Variants in FOXN3 observed in about 807,000 individuals in gnomAD.
FOXN3 encodes the protein forkhead box protein N3.
Under a neutral mutation model 38.4 loss-of-function variants are expected in FOXN3, and 7 were observed. That is an observed-to-expected ratio of 0.18 (90% CI 0.10 to 0.34). The LOEUF (loss-of-function observed/expected upper bound fraction) is 0.34. FOXN3 is among the 10% of genes least tolerant of loss of function. The pLI is 1.00. For synonymous variants in FOXN3, 230 were observed against 242.2 expected, an observed-to-expected ratio of 0.95 and a Z score of 0.47; for missense variants, 456 against 613.4, an observed-to-expected ratio of 0.74 and a Z score of 2.71.
intron 1 of FOXN3, among the ~76,000 whole-genome samples, chr14:89,423,683 T>C (rs1891965671): frequency 6.6e-6 from 1 of 152,070 alleles, no homozygotes; most frequent in African/African-American, 2.4e-5. Flanking sequence ...ATCAAAGAAA[T>C]GCAAATTAAA....
intron 1 of FOXN3, among the ~76,000 whole-genome samples, chr14:89,431,451 T>C (rs1374142346): frequency 6.6e-6 from 1 of 152,060 alleles, no homozygotes; most frequent in East Asian, 1.9e-4. Flanking sequence ...CCTCAGGTGA[T>C]CCACCCGCCT....
rs1194276909 is a variant in FOXN3 at position 89,480,271 on chromosome 14, C to T, written c.-14-67781G>A. 4.6e-5 allele frequency among the ~76,000 whole-genome samples: 7 copies of T among 152,094 alleles called. No individual in the cohort carries two copies. In the East Asian group the frequency reaches 1.2e-3, roughly 25 times the overall value. Reference sequence around the variant, plus strand: ...CAAAAAAATTAGCCAGGCGTGGTGGCGGGCGCCTGTAGTCCCAGCTACTCG... The same window carrying T: ...CAAAAAAATTAGCCAGGCGTGGTGGTGGGCGCCTGTAGTCCCAGCTACTCG... On this transcript the variant is annotated intron_variant, in intron 1 of 6. Transcript: ENST00000345097.
chr14:89,170,183 A>G (rs1887351487), intron 5 of FOXN3, among the ~76,000 whole-genome samples: 1 of 152,200 alleles, frequency 6.6e-6, no homozygotes, highest in African/African-American at 2.4e-5. Context: ...CTAAACATTC[A>G]CAGTTTCATT....
At chr14:89,418,589 T>A (rs966297560), upstream of FOXN3, among the ~76,000 whole-genome samples, 2 of 151,902 alleles carry the variant, frequency 1.3e-5, no homozygotes, top group African/African-American at 4.8e-5. Context: ...TAGCCTGAGG[T>A]CATCCAGCCC....
chr14:89,448,944 C>CA lies in FOXN3; in HGVS notation c.-14-36455dup, dbSNP rs56206718. On this transcript the variant is annotated intron_variant, in intron 1 of 6. Transcript: ENST00000345097. ...GGGCAACAGAGCAAGAACACTGTCT[C>CA]AAAAAAAAAAAAGAAAGAAAAGAAA... 1.3e-3 allele frequency among the ~76,000 whole-genome samples: 185 copies of CA among 146,326 alleles called. 1 individual carries two copies. The highest frequency in any genetic ancestry group is 5.7e-3 in the Admixed American group (84 of 14,764).
At chr14:89,333,718 A>G (rs1267068456) in intron 3 of FOXN3, among the ~76,000 whole-genome samples, 1 of 125,582 alleles carries the variant, frequency 8.0e-6, no homozygotes, top group African/African-American at 2.9e-5. Context: ...CGCCAACTGC[A>G]CTCCAGCCTG....
intron 4 of FOXN3, among the ~76,000 whole-genome samples, chr14:89,206,366 T>C (rs1389173264): frequency 6.6e-6 from 1 of 152,168 alleles, no homozygotes; most frequent in East Asian, 1.9e-4. Context: ...CAGACAAAAC[T>C]GTAAATGCTA....
intron 1 of FOXN3, among the ~76,000 whole-genome samples, chr14:89,568,765 C>A (rs1249886793): frequency 1.3e-5 from 2 of 152,160 alleles, no homozygotes; most frequent in African/African-American, 2.4e-5. Context: ...GTATTTTTCA[C>A]AATGAATAAA....
chr14:89,505,844 G>A (rs528082013), intron 1 of FOXN3, among the ~76,000 whole-genome samples: 230 of 150,962 alleles, frequency 1.5e-3, no homozygotes, highest in African/African-American at 5.2e-3. Flanking sequence ...GTCTCTGCCC[G>A]GCCACCCATC....
chr14:89,473,128 C>T (rs1403402185), intron 1 of FOXN3, among the ~76,000 whole-genome samples: 1 of 151,700 alleles, frequency 6.6e-6, no homozygotes, highest in Non-Finnish European at 1.5e-5. Context: ...GAGTTCACGC[C>T]ATTCTCCTGC....
At chr14:89,496,798 C>A (rs1311259833) in intron 1 of FOXN3, among the ~76,000 whole-genome samples, 2 of 152,156 alleles carry the variant, frequency 1.3e-5, no homozygotes, top group Non-Finnish European at 2.9e-5. Context: ...ATTCCCCCGA[C>A]CCCAGCCCTT....
At chr14:89,576,702 T>A (rs1354695713) in intron 1 of FOXN3, 1 of 152,182 alleles carries the variant, frequency 6.6e-6, no homozygotes, top group African/African-American at 2.4e-5. Flanking sequence ...TCGGATCAGA[T>A]GTCTTCTGTT....
intron 1 of FOXN3, among the ~76,000 whole-genome samples, chr14:89,486,178 T>C (rs138824216): frequency 0.012 from 1,786 of 152,292 alleles, 42 homozygotes; most frequent in African/African-American, 0.041. Context: ...CTTATTGAAC[T>C]CAACTAAAAG....
intron 4 of FOXN3, among the ~76,000 whole-genome samples, chr14:89,253,734 G>C (rs1457598574): frequency 6.6e-6 from 1 of 152,098 alleles, no homozygotes; most frequent in Non-Finnish European, 1.5e-5. Context: ...TCCCTCTCTA[G>C]TCAATCTGTA....
intron 1 of FOXN3, among the ~76,000 whole-genome samples, chr14:89,416,122 AGCACGCGCGCGCGCGCAC>A (rs908791842): frequency 2.0e-4 from 30 of 152,264 alleles, no homozygotes; most frequent in South Asian, 6.2e-4. Flanking sequence ...CCGCCCACCC[AGCACGCGCGCGCGCGCAC>A]GCACGCGCTT....
At chr14:89,292,797 G>T (rs759363) in intron 3 of FOXN3, among the ~76,000 whole-genome samples, 3 of 151,838 alleles carry the variant, frequency 2.0e-5, no homozygotes, top group Non-Finnish European at 4.4e-5. Flanking sequence ...AGACTAAGAC[G>T]AGCGGTCACT....
At chr14:89,613,996 C>T (rs1896445866) in intron 1 of FOXN3, among the ~76,000 whole-genome samples, 1 of 152,172 alleles carries the variant, frequency 6.6e-6, no homozygotes, top group Non-Finnish European at 1.5e-5. Context: ...ATACTGACAG[C>T]TTCTGGGATG....
chr14:89,504,009 TCTC>T (rs1167747881), intron 1 of FOXN3, among the ~76,000 whole-genome samples: 2 of 152,074 alleles, frequency 1.3e-5, no homozygotes, highest in Non-Finnish European at 2.9e-5. Context: ...CAGCAGAGAC[TCTC>T]CTCCTCACCT....
At chr14:89,270,773 T>C (rs12897604) in intron 4 of FOXN3, among the ~76,000 whole-genome samples, 47,202 of 152,098 alleles carry the variant, frequency 0.31, 8,681 homozygotes, top group Middle Eastern at 0.44. Flanking sequence ...TTTTTTTTCA[T>C]TGTATAGCAG....
Sources: gnomAD v4.1 joint callset for allele counts (sites outside exome capture counted in the v4.1 genomes callset) on GRCh38, gnomAD v4.1.1 for gene constraint, MANE v1.5 for transcripts, NCBI Gene and HGNC (gene_info 2026-07-23, HGNC 2026-07-21) for gene names.